Variants in DAW1 observed in about 807,000 individuals in gnomAD.
DAW1 encodes the protein dynein assembly factor with WD repeats 1.
DAW1 carries 47 observed loss-of-function variants against 56.5 expected under a neutral mutation model. The observed-to-expected ratio is 0.83, with a 90% CI of 0.66 to 1.06. The LOEUF (loss-of-function observed/expected upper bound fraction) is 1.06. DAW1 is among the 50% of genes least tolerant of loss of function. DAW1 has a pLI of 0.00. For missense variants in DAW1, 505 were observed against 499.3 expected (o/e 1.01, Z -0.11); for synonymous variants, 190 against 179.0 (o/e 1.06, Z -0.49).
chr2:227,910,547 T>C (rs920528348), intron 10 of DAW1, among the ~76,000 whole-genome samples: 14 of 146,926 alleles, frequency 9.5e-5, no homozygotes, highest in African/African-American at 3.4e-4. Context: ...TAGACAGCCA[T>C]ATGTGGTGTT....
rs768381630 is a variant in DAW1, at chr2:227,906,325, A to G, written c.845A>G (p.Asp282Gly). Residue 282 changes from aspartate to glycine, a missense_variant, in exon 9 of 13, where the codon GAC becomes GGC. Physicochemically the swap from Asp to Gly is moderately conservative, Grantham distance 94. Transcript: ENST00000309931. ...TCTCTAATATTAACTGGCTCTATGGACAAAACCTGCAAGGTGAGCAAAATA... is the reference window on the plus strand; with the variant it reads ...TCTCTAATATTAACTGGCTCTATGGGCAAAACCTGCAAGGTGAGCAAAATA... ...DCSLILTGSM[D>G]KTCKLWDATN... The G allele has an allele frequency of 2.5e-5, 41 of 1,609,860 alleles. No homozygotes were observed. In the South Asian group the frequency reaches 4.4e-4, roughly 17 times the overall value.
intron 2 of DAW1, among the ~76,000 whole-genome samples, chr2:227,886,874 G>T (rs1486580169): frequency 6.6e-6 from 1 of 152,228 alleles, no homozygotes; most frequent in Non-Finnish European, 1.5e-5. Flanking sequence ...TTCAGATAAG[G>T]TGAAAATAAT....
chr2:227,907,737 G>A (rs745417127), intron 10 of DAW1, among the ~76,000 whole-genome samples: 15 of 151,972 alleles, frequency 9.9e-5, no homozygotes, highest in East Asian at 3.9e-4. Flanking sequence ...TAGTAGAGAC[G>A]GGGTTTCTCC....
chr2:227,885,283 A>T (rs899108786), intron 1 of DAW1, 68 bp from the exon 2 acceptor site: 13 of 1,101,840 alleles, frequency 1.2e-5, no homozygotes, highest in Middle Eastern at 5.3e-4. Context: ...AACTGTGGCA[A>T]GGTAGGTTAA....
At chr2:227,881,088 C>G (rs555267377) in intron 1 of DAW1, among the ~76,000 whole-genome samples, 1 of 152,180 alleles carries the variant, frequency 6.6e-6, no homozygotes, top group South Asian at 2.1e-4. Flanking sequence ...TTATAAAAAG[C>G]CCAAAGAGGG....
chr2:227,903,772 G>A (rs1279618401), intron 7 of DAW1, among the ~76,000 whole-genome samples: 2 of 151,326 alleles, frequency 1.3e-5, no homozygotes, highest in African/African-American at 2.4e-5. Flanking sequence ...ACAGCCAGAT[G>A]GGAAATTCAG....
intron 1 of DAW1, among the ~76,000 whole-genome samples, chr2:227,881,133 A>G (rs1275153432): frequency 6.6e-6 from 1 of 152,196 alleles, no homozygotes; most frequent in African/African-American, 2.4e-5. Context: ...TGTTTATAGT[A>G]TTGATTATTT....
intron 11 of DAW1, among the ~76,000 whole-genome samples, chr2:227,920,203 C>A (rs1481753398): frequency 1.3e-5 from 2 of 152,128 alleles, no homozygotes; most frequent in Non-Finnish European, 2.9e-5. Flanking sequence ...ACATTTTATG[C>A]TTTTTAAATG....
chr2:227,909,965 CTGTG>C (rs372863255), intron 10 of DAW1, among the ~76,000 whole-genome samples: 92 of 152,292 alleles, frequency 6.0e-4, no homozygotes, highest in African/African-American at 1.9e-3. Context: ...CAATGCCGCA[CTGTG>C]TGTGTATATC....
intron 10 of DAW1, among the ~76,000 whole-genome samples, chr2:227,918,171 T>TCCATCATC (rs376323426): frequency 1.4e-4 from 18 of 124,192 alleles, no homozygotes; most frequent in South Asian, 2.9e-4. Context: ...CATCCATCCA[T>TCCATCATC]CATCCATCCA....
At position 227,881,743 on chromosome 2, in the gene DAW1, C is replaced by CTTTT. The variant is rs541800966; in HGVS notation, c.41-3584_41-3581dup. On this transcript the variant is annotated intron_variant, in intron 1 of 12. Transcript: ENST00000309931. ...ATACACTTTTTAACTCTGCCACATT[C>CTTTT]TTTTTTTTTTTTTTTTTTTTTTTTT... Among the ~76,000 whole-genome samples, 7 of 78,608 alleles carry CTTTT rather than the reference C, an allele frequency of 8.9e-5. 1 individual carries two copies. Among genetic ancestry groups the CTTTT allele is most frequent in the East Asian group, 9.0e-4 (2 of 2,226 alleles). The allele number at this position is 78,608 out of a possible 152,430, so 51.6% of individuals were successfully genotyped here.
chr2:227,922,008 C>T (rs1275555287), intron 12 of DAW1, among the ~76,000 whole-genome samples: 1 of 152,168 alleles, frequency 6.6e-6, no homozygotes, highest in Non-Finnish European at 1.5e-5. Flanking sequence ...AGAGCATTAG[C>T]TGGGCATGGT....
At chr2:227,913,881 A>ATCTATCTATCTATCTATCTGTCTG (rs79833260) in intron 10 of DAW1, among the ~76,000 whole-genome samples, 6 of 120,390 alleles carry the variant, frequency 5.0e-5, no homozygotes, top group African/African-American at 1.9e-4. Context: ...ATATCTATCT[A>ATCTATCTATCTATCTATCTGTCTG]TCTGTCTGTC....
rs536723191 is a variant in DAW1, at chr2:227,917,421, C to T, written c.974-1359C>T. Among the ~76,000 whole-genome samples the T allele has an allele frequency of 5.9e-5, 9 of 151,994 alleles. No individual in the cohort carries two copies. In the South Asian group the frequency reaches 1.0e-3, roughly 18 times the overall value. ...GGCTACAGGTGCTCACCACCGCACC[C>T]GGCTAATTTGTTGTATTTTTAGTAG... On this transcript the variant is annotated intron_variant, in intron 10 of 12. Transcript: ENST00000309931.
intron 6 of DAW1, among the ~76,000 whole-genome samples, chr2:227,899,660 G>T (rs148393359): frequency 2.0e-5 from 3 of 152,292 alleles, no homozygotes; most frequent in African/African-American, 4.8e-5. Context: ...AAAGATACCT[G>T]CTGTGAACCA....
chr2:227,915,726 A>G (rs1346147797), intron 10 of DAW1, among the ~76,000 whole-genome samples: 1 of 152,062 alleles, frequency 6.6e-6, no homozygotes, highest in African/African-American at 2.4e-5. Context: ...CACTACTCCC[A>G]TTTATTGTGC....
chr2:227,915,744 T>C (rs1691936037), intron 10 of DAW1, among the ~76,000 whole-genome samples: 1 of 152,142 alleles, frequency 6.6e-6, no homozygotes, highest in South Asian at 2.1e-4. Context: ...TGCTAAAATA[T>C]AATTGTCTCT....
chr2:227,909,861 C>T (rs1034555082), intron 10 of DAW1, among the ~76,000 whole-genome samples: 1 of 152,162 alleles, frequency 6.6e-6, no homozygotes, highest in African/African-American at 2.4e-5. Flanking sequence ...TTTACTCAGT[C>T]TAACATCCTC....
intron 12 of DAW1, 53 bp from the exon 13 acceptor site, chr2:227,923,881 A>G: frequency 6.3e-7 from 1 of 1,599,884 alleles, no homozygotes; most frequent in Non-Finnish European, 8.5e-7. Flanking sequence ...GAAAGAGAGA[A>G]TGAGGTGAAT....
Sources: allele counts gnomAD v4.1 joint callset (sites outside exome capture counted in the v4.1 genomes callset), GRCh38; gene constraint gnomAD v4.1.1; transcripts MANE v1.5; gene names NCBI Gene and HGNC (gene_info 2026-07-23, HGNC 2026-07-21).